The following THSD4 variants were observed in gnomAD, a reference collection of about 807,000 sequenced individuals.
THSD4 encodes thrombospondin type-1 domain-containing protein 4.
A neutral mutation model predicts 119.0 loss-of-function variants in THSD4; 69 were observed. The observed-to-expected ratio is 0.58, with a 90% CI of 0.48 to 0.71. The LOEUF (loss-of-function observed/expected upper bound fraction) is 0.71. THSD4 is among the 30% of genes least tolerant of loss of function. The pLI is 0.00. For synonymous variants in THSD4, 524 were observed against 540.4 expected (o/e 0.97, Z 0.42); for missense variants, 1,393 against 1,391.1 (o/e 1.00, Z -0.02).
At chr15:71,728,463 G>A in intron 8 of THSD4, 86 bp from the exon 9 acceptor site, 1 of 1,508,004 alleles carries the variant, frequency 6.6e-7, no homozygotes, top group Admixed American at 1.8e-5. Context: ...CTTGATGAAT[G>A]AAGAAGCCAG....
At chr15:71,686,100 TACCATTTTA>T (rs1300541617) in intron 8 of THSD4, among the ~76,000 whole-genome samples, 1 of 152,204 alleles carries the variant, frequency 6.6e-6, no homozygotes, top group Non-Finnish European at 1.5e-5. Context: ...ACATAAAATT[TACCATTTTA>T]ACCATTTTAA....
intron 6 of THSD4, among the ~76,000 whole-genome samples, chr15:71,277,978 C>T (rs1567179042): frequency 6.6e-6 from 1 of 152,194 alleles, no homozygotes; most frequent in African/African-American, 2.4e-5. Context: ...AGTTTTTAAT[C>T]TATATTTTTT....
intron 7 of THSD4, among the ~76,000 whole-genome samples, chr15:71,560,497 A>G (rs2049095697): frequency 6.6e-6 from 1 of 152,242 alleles, no homozygotes; most frequent in African/African-American, 2.4e-5. Context: ...GAGATCAGGA[A>G]CAGCCTATGG....
At position 71,242,884 on chromosome 15, in the gene THSD4, G is replaced by A. The variant is rs753603826; in HGVS notation, c.700G>A (p.Gly234Arg). Residue 234 changes from glycine to arginine, a missense_variant, in exon 5 of 18, where the codon GGA becomes AGA. Physicochemically the swap from Gly to Arg is moderately radical, Grantham distance 125. Coordinates refer to ENST00000261862, the MANE Select transcript of THSD4 (RefSeq NM_024817.3). ...LYQSDSGPRS[G>R]LQAAEAPIYQ... ...CCAAAGTGACAGTGGCCCTCGCTCT[G>A]GACTGCAGGCTGCGGAGGCCCCCAT... 3 of 1,614,174 alleles carry A rather than the reference G, an allele frequency of 1.9e-6. No homozygotes were observed. The highest frequency in any genetic ancestry group is 1.1e-5 in the South Asian group (1 of 91,084).
chr15:71,754,492 A>G (rs1595919976), intron 14 of THSD4, among the ~76,000 whole-genome samples: 2 of 151,854 alleles, frequency 1.3e-5, no homozygotes, highest in African/African-American at 4.8e-5. Context: ...CAAACAAACA[A>G]ACAAATCCTT....
intron 1 of THSD4, among the ~76,000 whole-genome samples, chr15:71,135,202 C>T (rs1463298582): frequency 2.8e-5 from 3 of 106,342 alleles, no homozygotes; most frequent in African/African-American, 4.0e-5. Context: ...GAATATCACA[C>T]TCTGGGGACT....
intron 6 of THSD4, among the ~76,000 whole-genome samples, chr15:71,286,929 C>T (rs1472935258): frequency 6.6e-6 from 1 of 152,122 alleles, no homozygotes; most frequent in Non-Finnish European, 1.5e-5. Context: ...AAAAAATATG[C>T]TTGTTATTGT....
chr15:71,404,361 G>A (rs896924875), intron 6 of THSD4, among the ~76,000 whole-genome samples: 5 of 151,974 alleles, frequency 3.3e-5, no homozygotes, highest in Non-Finnish European at 4.4e-5. Flanking sequence ...TATATGATTT[G>A]CTTCTTTTAC....
intron 3 of THSD4, among the ~76,000 whole-genome samples, chr15:71,199,460 G>T (rs58479026): frequency 0.19 from 26,282 of 138,096 alleles, 2,638 homozygotes; most frequent in East Asian, 0.49. Context: ...TGTGGGGGGG[G>T]GTGTGTGTGT....
At chr15:71,123,801 T>C (rs988280622) in intron 1 of THSD4, among the ~76,000 whole-genome samples, 2 of 152,220 alleles carry the variant, frequency 1.3e-5, no homozygotes, top group African/African-American at 4.8e-5. Flanking sequence ...ATGGGAGGGC[T>C]ACATTCTTGA....
At chr15:71,736,159 CTCTGTCTCTG>C (rs1471591663) in intron 10 of THSD4, among the ~76,000 whole-genome samples, 62 of 50,896 alleles carry the variant, frequency 1.2e-3, no homozygotes, top group Middle Eastern at 0.011. Flanking sequence ...CTCTCTTGCT[CTCTGTCTCTG>C]TCTCTCTCAC....
chr15:71,471,194 C>T (rs188782442), intron 7 of THSD4, among the ~76,000 whole-genome samples: 4 of 152,230 alleles, frequency 2.6e-5, no homozygotes, highest in Admixed American at 6.5e-5. Flanking sequence ...TGACCCATCC[C>T]CACTCATGAC....
rs1401778445 is a variant in THSD4 at position 71,775,770 on chromosome 15, A to G, written c.2915-1462A>G. 2.0e-5 allele frequency among the ~76,000 whole-genome samples: 3 copies of G among 152,204 alleles called. No individual in the cohort carries two copies. In the East Asian group the frequency reaches 5.8e-4, roughly 29 times the overall value. ...AAGTTTATATGGAAGAGCAAAAGCA[A>G]GGAACCAAGAAGAGCCAAGGCTGTT... is the stretch of plus-strand genomic sequence containing the variant. On this transcript the variant is annotated intron_variant, in intron 17 of 17. Transcript: ENST00000261862.
At chr15:71,264,227 G>A (rs887312202) in intron 6 of THSD4, among the ~76,000 whole-genome samples, 2 of 152,220 alleles carry the variant, frequency 1.3e-5, no homozygotes, top group Admixed American at 6.5e-5. Flanking sequence ...TTACTGAAGC[G>A]GCTTTATTCA....
chr15:71,213,915 G>A (rs1472025268), intron 3 of THSD4, among the ~76,000 whole-genome samples: 1 of 152,184 alleles, frequency 6.6e-6, no homozygotes, highest in Non-Finnish European at 1.5e-5. Context: ...AGCACAGTGA[G>A]CCTCAGAGAA....
At chr15:71,326,085 TAGTC>T in intron 6 of THSD4, among the ~76,000 whole-genome samples, 1 of 152,322 alleles carries the variant, frequency 6.6e-6, no homozygotes, top group East Asian at 1.9e-4. Flanking sequence ...GAGCAGAATT[TAGTC>T]AGTTGGGTAT....
intron 6 of THSD4, among the ~76,000 whole-genome samples, chr15:71,320,358 C>A (rs1050034487): frequency 1.3e-5 from 2 of 152,220 alleles, no homozygotes; most frequent in African/African-American, 4.8e-5. Flanking sequence ...TATTTGCAAT[C>A]TTCTGAACAT....
At chr15:71,768,584 T>TG (rs2053757039) in intron 16 of THSD4, among the ~76,000 whole-genome samples, 1 of 146,850 alleles carries the variant, frequency 6.8e-6, no homozygotes, top group African/African-American at 2.5e-5. Flanking sequence ...TTTTTTTTTT[T>TG]GAGACAAAGT....
intron 3 of THSD4, chr15:71,164,899 C>G (rs529340686): frequency 6.4e-7 from 1 of 1,561,406 alleles, no homozygotes; most frequent in Non-Finnish European, 8.7e-7. Context: ...TGACAACTCC[C>G]TTTTTTGCTG....
Sources: allele counts gnomAD v4.1 joint callset (sites outside exome capture counted in the v4.1 genomes callset), GRCh38; gene constraint gnomAD v4.1.1; transcripts MANE v1.5; gene names NCBI Gene and HGNC (gene_info 2026-07-23, HGNC 2026-07-21).